CAMTA1: variants seen among roughly 807,000 people sequenced by gnomAD.
The protein encoded by CAMTA1 is calmodulin-binding transcription activator 1.
A neutral mutation model predicts 170.9 loss-of-function variants in CAMTA1; 27 were observed. The ratio of observed to expected loss-of-function variants is 0.16; its 90% CI spans 0.12 to 0.22. The LOEUF is 0.22. CAMTA1 is among the 10% of genes least tolerant of loss of function. The pLI is 1.00. For missense variants in CAMTA1, 1,619 were observed against 2,217.2 expected, an observed-to-expected ratio of 0.73 and a Z score of 5.42; for synonymous variants, 833 against 891.5, an observed-to-expected ratio of 0.93 and a Z score of 1.17.
intron 4 of CAMTA1, among the ~76,000 whole-genome samples, chr1:7,106,310 G>A (rs1423706657): frequency 1.3e-5 from 2 of 151,892 alleles, no homozygotes; most frequent in African/African-American, 4.8e-5. Context: ...AGGAGGAGAC[G>A]AAAGAGGAGG....
At chr1:7,087,864 G>C (rs1640951691) in intron 3 of CAMTA1, among the ~76,000 whole-genome samples, 1 of 152,194 alleles carries the variant, frequency 6.6e-6, no homozygotes, top group South Asian at 2.1e-4. Flanking sequence ...AATTTGGATG[G>C]CTTTTACATG....
intron 5 of CAMTA1, among the ~76,000 whole-genome samples, chr1:7,275,043 G>C (rs934086667): frequency 2.7e-5 from 4 of 149,924 alleles, no homozygotes; most frequent in African/African-American, 9.8e-5. Context: ...TTGTGAGGCT[G>C]AGACAGGAGA....
chr1:6,982,930 C>G (rs551447000), intron 3 of CAMTA1, among the ~76,000 whole-genome samples: 1 of 152,186 alleles, frequency 6.6e-6, no homozygotes, highest in South Asian at 2.1e-4. Flanking sequence ...CCTTGTCACT[C>G]TCCCATGAAG....
At chr1:6,879,287 G>T (rs1670801942) in intron 3 of CAMTA1, among the ~76,000 whole-genome samples, 1 of 152,206 alleles carries the variant, frequency 6.6e-6, no homozygotes, top group Non-Finnish European at 1.5e-5. Flanking sequence ...GATGTGCTGT[G>T]AGCGAAGCCT....
At chr1:7,267,748 G>A (rs1225252357) in intron 5 of CAMTA1, among the ~76,000 whole-genome samples, 1 of 152,178 alleles carries the variant, frequency 6.6e-6, no homozygotes. Flanking sequence ...GATGGCAAAG[G>A]GATTGGTTGT....
At position 7,737,304 on chromosome 1, in the gene CAMTA1, A is replaced by G. The variant is rs201487280; in HGVS notation, c.3392A>G (p.Lys1131Arg). 1 of 1,614,150 alleles carries G rather than the reference A, an allele frequency of 6.2e-7. No individual in the cohort carries two copies. Among genetic ancestry groups the G allele is most frequent in the African/African-American group, 1.3e-5 (1 of 75,042 alleles). ...TTGGAAGCTGCCGTCGTGCTGTACA[A>G]GTGGGACCGTCGGGCCATCTCGATT... ...GHLEAAVVLY[K>R]WDRRAISIPD... Residue 1131 changes from lysine (K) to arginine (R), a missense_variant, in exon 15 of 23, where the codon AAG becomes AGG. Transcript: ENST00000303635.
chr1:7,747,859 C>A, intron 19 of CAMTA1, 78 bp downstream of exon 19: 1 of 866,410 alleles, frequency 1.2e-6, no homozygotes, highest in Non-Finnish European at 1.9e-6. Flanking sequence ...GGCTAAAGAG[C>A]ACTACATCTA....
chr1:6,939,911 A>G (rs1342825267), intron 3 of CAMTA1, among the ~76,000 whole-genome samples: 1 of 152,264 alleles, frequency 6.6e-6, no homozygotes, highest in Non-Finnish European at 1.5e-5. Context: ...TGCCGGGCAC[A>G]GAGCAGGCAT....
chr1:7,220,313 G>A (rs1181172076), intron 4 of CAMTA1, among the ~76,000 whole-genome samples: 2 of 152,158 alleles, frequency 1.3e-5, no homozygotes. Context: ...TCGAAGGACA[G>A]GGAAAACCTG....
Position 7,406,227 on chromosome 1 carries a change from A to G in CAMTA1, c.439-61603A>G, listed in dbSNP as rs181903949. Among the ~76,000 whole-genome samples the G allele has an allele frequency of 7.2e-5, 11 of 152,342 alleles. No individual in the cohort carries two copies. In the East Asian group the frequency reaches 1.5e-3, roughly 21 times the overall value. ...TCCTGGGCATGGCAGAGAGGGGGCC[A>G]TGATATGGACCAAGAAGCATGAACC... On this transcript the variant is annotated intron_variant, in intron 5 of 22. Transcript: ENST00000303635.
intron 5 of CAMTA1, among the ~76,000 whole-genome samples, chr1:7,263,808 G>A (rs1285356662): frequency 2.0e-5 from 3 of 152,152 alleles, no homozygotes; most frequent in Non-Finnish European, 1.5e-5. Context: ...AAGCATGATC[G>A]AAGCCAACAG....
In CAMTA1 at chr1:7,545,140, T is replaced by G. The variant is rs567345721; in HGVS notation, c.510+77239T>G. On this transcript the variant is annotated intron_variant, in intron 6 of 22. Coordinates refer to ENST00000303635, the MANE Select transcript of CAMTA1 (RefSeq NM_015215.4). Reference sequence around the variant, plus strand: ...GAACCATAACTTGCTTATGCCGTTATTTTTGTTTCTTCTTTGAATTTCCAA... The same window carrying G: ...GAACCATAACTTGCTTATGCCGTTAGTTTTGTTTCTTCTTTGAATTTCCAA... Among the ~76,000 whole-genome samples the G allele has an allele frequency of 9.8e-5, 15 of 152,358 alleles. No homozygotes were observed. The East Asian group carries it at 2.9e-3, about 29-fold the overall frequency.
At chr1:7,081,660 C>T (rs1440960818) in intron 3 of CAMTA1, among the ~76,000 whole-genome samples, 1 of 152,208 alleles carries the variant, frequency 6.6e-6, no homozygotes, top group Admixed American at 6.5e-5. Context: ...CCAAGCCGGC[C>T]ATGACAGTGG....
chr1:6,879,854 T>C (rs939055677), intron 3 of CAMTA1, among the ~76,000 whole-genome samples: 3 of 151,036 alleles, frequency 2.0e-5, no homozygotes, highest in Non-Finnish European at 4.4e-5. Flanking sequence ...CTCGAACTCC[T>C]GGGCTCAAGT....
At chr1:6,956,767 A>G (rs1689527593) in intron 3 of CAMTA1, among the ~76,000 whole-genome samples, 1 of 152,224 alleles carries the variant, frequency 6.6e-6, no homozygotes, top group Non-Finnish European at 1.5e-5. Flanking sequence ...GTGTTGGCCC[A>G]TTAACTCCCT....
At chr1:7,499,744 A>G (rs200098667) in intron 6 of CAMTA1, among the ~76,000 whole-genome samples, 5 of 130,946 alleles carry the variant, frequency 3.8e-5, no homozygotes, top group African/African-American at 1.5e-4. Flanking sequence ...GTGAGTGTGT[A>G]GAGAGGATTG....
At chr1:7,506,024 T>C (rs995806497) in intron 6 of CAMTA1, among the ~76,000 whole-genome samples, 1 of 152,136 alleles carries the variant, frequency 6.6e-6, no homozygotes, top group Non-Finnish European at 1.5e-5. Context: ...GGCAGAGCTC[T>C]TCACATCAGT....
intron 3 of CAMTA1, among the ~76,000 whole-genome samples, chr1:7,009,443 G>A (rs12091438): frequency 0.3 from 44,864 of 152,008 alleles, 6,721 homozygotes; most frequent in African/African-American, 0.32. Context: ...TGCCTGCCTG[G>A]GCCTCTCTGT....
rs72853132 is a variant in CAMTA1 at position 7,377,746 on chromosome 1, C to G, written c.439-90084C>G. 2.2e-3 allele frequency among the ~76,000 whole-genome samples: 329 copies of G among 152,090 alleles called. 1 individual carries two copies. Among genetic ancestry groups the G allele is most frequent in the African/African-American group, 7.7e-3 (318 of 41,480 alleles). Reference sequence around the variant, plus strand: ...ACCAGCCTGGCCAACATGGTGAAACCCTGTCTCTACTAAAAATGCAAAAAT... The same window carrying G: ...ACCAGCCTGGCCAACATGGTGAAACGCTGTCTCTACTAAAAATGCAAAAAT... On this transcript the variant is annotated intron_variant, in intron 5 of 22. Transcript: ENST00000303635.
Sources: allele counts gnomAD v4.1 joint callset (sites outside exome capture counted in the v4.1 genomes callset), GRCh38; gene constraint gnomAD v4.1.1; transcripts MANE v1.5; gene names NCBI Gene and HGNC (gene_info 2026-07-23, HGNC 2026-07-21).